CDCA4: variants seen among roughly 807,000 people sequenced by gnomAD.
CDCA4 encodes the protein cell division cycle-associated protein 4.
For synonymous variants in CDCA4, 130 were observed against 137.0 expected, an observed-to-expected ratio of 0.95 and a Z score of 0.36; for missense variants, 294 against 322.1, an observed-to-expected ratio of 0.91 and a Z score of 0.67.
chr14:105,019,173 AC>A (rs1175274537), intron 1 of CDCA4, among the ~76,000 whole-genome samples: 1 of 152,132 alleles, frequency 6.6e-6, no homozygotes, highest in Non-Finnish European at 1.5e-5. Context: ...CCAAGCACCG[AC>A]CAGACAGAGA....
chr14:105,019,797 T>C (rs1886179311), intron 1 of CDCA4, among the ~76,000 whole-genome samples: 1 of 152,194 alleles, frequency 6.6e-6, no homozygotes. Flanking sequence ...GACCTCTGCC[T>C]TTCTGGTTCA....
Position 105,011,451 on chromosome 14 carries a change from T to G in CDCA4, c.479A>C (p.Lys160Thr), listed in dbSNP as rs182833154. ...GPRENRGSFH[K>T]SLDQIFETLE... ...CGTTTCAAATATCTGATCAAGTGACTTGTGAAAGCTTCCTCTGTTTTCTCG... is the reference window on the plus strand; with the variant it reads ...CGTTTCAAATATCTGATCAAGTGACGTGTGAAAGCTTCCTCTGTTTTCTCG... Residue 160 changes from lysine (K) to threonine (T), a missense_variant, in exon 2 of 2, where the codon AAG becomes ACG. Coordinates refer to ENST00000336219, the MANE Select transcript of CDCA4 (RefSeq NM_017955.4). The G allele has an allele frequency of 1.2e-6, 2 of 1,614,222 alleles. No individual in the cohort carries two copies. Among genetic ancestry groups the G allele is most frequent in the African/African-American group, 2.7e-5 (2 of 75,058 alleles).
intron 1 of CDCA4, among the ~76,000 whole-genome samples, chr14:105,016,301 T>C (rs1375595280): frequency 6.6e-6 from 1 of 152,212 alleles, no homozygotes; most frequent in Non-Finnish European, 1.5e-5. Flanking sequence ...TCCCAGCACT[T>C]TCCTCTCTGC....
chr14:105,010,571 C>T lies in CDCA4; in HGVS notation c.*633G>A, dbSNP rs952133660. 2.6e-5 allele frequency: 4 copies of T among 152,284 alleles called. No homozygotes were observed. Among genetic ancestry groups the T allele is most frequent in the African/African-American group, 7.2e-5 (3 of 41,452 alleles). 9.4% of individuals were successfully genotyped at this position (152,284 alleles called of 1,614,324 possible). A position where few individuals can be genotyped will look rare whatever the true frequency, so the allele number is the denominator to read the frequency against. ...CGCAGGACATAATGAAGAAGTATCA[C>T]ACACACATTTAAAGTAAAACATGAT... On this transcript the variant is annotated 3_prime_UTR_variant, in exon 2 of 2. Transcript: ENST00000336219.
At position 105,017,233 on chromosome 14, in the gene CDCA4, T is replaced by C. The variant is rs74745408; in HGVS notation, c.-7+3766A>G. ...CAGTTGTAAGCATTCTTTTTTTTTT[T>C]AGATGGAGTCTCACTGTCGCCCAGG... On this transcript the variant is annotated intron_variant, in intron 1 of 1. Transcript: ENST00000336219. Among the ~76,000 whole-genome samples, 1,015 of 151,862 alleles carry C rather than the reference T, an allele frequency of 6.7e-3. 2 individuals are homozygous for C. Among genetic ancestry groups the C allele is most frequent in the Non-Finnish European group, 0.011 (716 of 67,912 alleles).
In CDCA4 at chr14:105,015,082, G is replaced by T. The variant is rs190191150; in HGVS notation, c.-6-3147C>A. Among the ~76,000 whole-genome samples, 40 of 152,286 alleles carry T rather than the reference G, an allele frequency of 2.6e-4. 1 individual carries two copies. In the East Asian group the frequency reaches 7.7e-3, roughly 29 times the overall value. On this transcript the variant is annotated intron_variant, in intron 1 of 1. Coordinates refer to ENST00000336219, the MANE Select transcript of CDCA4 (RefSeq NM_017955.4). The stretch of plus-strand genomic sequence containing the variant: ...GGCCAAGAAGACCCACAACCACACT[G>T]GGAACCAGTTCAAGAAGCTGTCCCA...
chr14:105,013,711 T>C (rs1009673646), intron 1 of CDCA4, among the ~76,000 whole-genome samples: 134 of 152,264 alleles, frequency 8.8e-4, no homozygotes, highest in African/African-American at 3.0e-3. Flanking sequence ...GGTCCTACCC[T>C]TGAATTAACA....
intron 1 of CDCA4, among the ~76,000 whole-genome samples, chr14:105,020,764 G>A (rs1886211000): frequency 6.6e-6 from 1 of 151,988 alleles, no homozygotes; most frequent in Non-Finnish European, 1.5e-5. Flanking sequence ...CGGCGGCCCG[G>A]GCCCCTCTGT....
At chr14:105,020,434 G>A (rs866439563) in intron 1 of CDCA4, among the ~76,000 whole-genome samples, 1 of 152,218 alleles carries the variant, frequency 6.6e-6, no homozygotes, top group Non-Finnish European at 1.5e-5. Flanking sequence ...AAGACGCGGA[G>A]GGAGGCTTGC....
intron 1 of CDCA4, among the ~76,000 whole-genome samples, chr14:105,018,185 T>C (rs1166375409): frequency 6.7e-6 from 1 of 149,706 alleles, no homozygotes; most frequent in Non-Finnish European, 1.5e-5. Context: ...GGGACCTGCA[T>C]AGATGTGCCT....
chr14:105,020,655 G>A (rs1232888299), intron 1 of CDCA4, among the ~76,000 whole-genome samples: 10 of 152,216 alleles, frequency 6.6e-5, no homozygotes, highest in African/African-American at 2.2e-4. Context: ...GGGAAACGCC[G>A]CTGCGTACCC....
Position 105,010,558 on chromosome 14 carries a change from TGAA to T in CDCA4, c.*643_*645del, listed in dbSNP as rs1428821597. ...GGTCTCACTGCAGCGCAGGACATAA[TGAA>T]GAAGTATCACACACACATTTAAAGT... On this transcript the variant is annotated 3_prime_UTR_variant, in exon 2 of 2. Coordinates refer to ENST00000336219, the MANE Select transcript of CDCA4 (RefSeq NM_017955.4). The T allele has an allele frequency of 2.6e-5, 4 of 152,396 alleles. No homozygotes were observed. In the South Asian group the frequency reaches 6.2e-4, roughly 24 times the overall value. The allele number at this position is 152,396 out of a possible 1,614,324, so 9.4% of individuals were successfully genotyped here. A position where few individuals can be genotyped will look rare whatever the true frequency, so the allele number is the denominator to read the frequency against.
In CDCA4 at chr14:105,011,661, G is replaced by A. The variant is rs144940480; in HGVS notation, c.269C>T (p.Ala90Val). 43 of 1,613,566 alleles carry A rather than the reference G, an allele frequency of 2.7e-5. No homozygotes were observed. The highest frequency in any genetic ancestry group is 3.4e-5 in the Non-Finnish European group (40 of 1,180,014). Residue 90 changes from alanine (A) to valine (V), a missense_variant, in exon 2 of 2, where the codon GCG (alanine) becomes GTG (valine). Transcript: ENST00000336219. Reference sequence around the variant, plus strand: ...CGTGGAGACCAAGCGGTCGAGCGGCGCCCGCTCTGCAGCCTGGGGTGCCAC... The same window carrying A: ...CGTGGAGACCAAGCGGTCGAGCGGCACCCGCTCTGCAGCCTGGGGTGCCAC... Reference protein sequence around the residue: ...RTVAPQAAERAPLDRLVSTEI... With the variant: ...RTVAPQAAERVPLDRLVSTEI...
chr14:105,012,949 G>C (rs1900546533), intron 1 of CDCA4, among the ~76,000 whole-genome samples: 1 of 152,226 alleles, frequency 6.6e-6, no homozygotes, highest in Non-Finnish European at 1.5e-5. Context: ...CCGGGGCAGG[G>C]GGGGTGGGTT....
intron 1 of CDCA4, among the ~76,000 whole-genome samples, chr14:105,013,006 T>C (rs944431143): frequency 2.0e-5 from 3 of 152,234 alleles, no homozygotes; most frequent in African/African-American, 7.2e-5. Flanking sequence ...AGGCAGTGTT[T>C]CTCGGCGTAT....
intron 1 of CDCA4, among the ~76,000 whole-genome samples, chr14:105,020,072 T>C (rs1886185738): frequency 6.6e-6 from 1 of 152,176 alleles, no homozygotes; most frequent in East Asian, 1.9e-4. Context: ...GAAAACATGT[T>C]CCAGTGGCAA....
At chr14:105,017,779 A>G (rs1040932698) in intron 1 of CDCA4, among the ~76,000 whole-genome samples, 1 of 151,928 alleles carries the variant, frequency 6.6e-6, no homozygotes, top group Non-Finnish European at 1.5e-5. Flanking sequence ...TGCAGTGAGC[A>G]GAGATTGCAC....
At chr14:105,016,196 A>G (rs568278487) in intron 1 of CDCA4, among the ~76,000 whole-genome samples, 2 of 152,348 alleles carry the variant, frequency 1.3e-5, no homozygotes, top group South Asian at 4.1e-4. Context: ...ACAATCTGGA[A>G]GAGCATCAAA....
At chr14:105,016,623 G>A (rs1386230648) in intron 1 of CDCA4, among the ~76,000 whole-genome samples, 5 of 152,160 alleles carry the variant, frequency 3.3e-5, no homozygotes, top group Non-Finnish European at 7.3e-5. Flanking sequence ...TGAGCTCCAC[G>A]TCTGTGTTCC....
Sources: gnomAD v4.1 joint callset for allele counts (sites outside exome capture counted in the v4.1 genomes callset) on GRCh38, gnomAD v4.1.1 for gene constraint, MANE v1.5 for transcripts, NCBI Gene and HGNC (gene_info 2026-07-23, HGNC 2026-07-21) for gene names.